TBC1D5: variants seen among roughly 807,000 people sequenced by gnomAD.
The protein encoded by TBC1D5 is TBC1 domain family, member 5.
In TBC1D5, 75 loss-of-function variants were observed where a neutral mutation model predicts 100.3. That is an observed-to-expected ratio of 0.75 (90% CI 0.62 to 0.91). The LOEUF is 0.91. Ranked by LOEUF, TBC1D5 falls within the 40% of genes least tolerant of loss-of-function variation. TBC1D5 has a pLI of 0.00. For synonymous variants in TBC1D5, 323 were observed against 325.6 expected (o/e 0.99, Z 0.09); for missense variants, 910 against 942.4 (o/e 0.97, Z 0.45).
At chr3:17,558,303 A>G (rs987997511) in intron 2 of TBC1D5, among the ~76,000 whole-genome samples, 8 of 152,192 alleles carry the variant, frequency 5.3e-5, no homozygotes, top group African/African-American at 1.9e-4. Flanking sequence ...CACAAATGTA[A>G]CCAACTATAC....
At chr3:17,735,507 T>C (rs1034232025) in intron 1 of TBC1D5, among the ~76,000 whole-genome samples, 5 of 152,190 alleles carry the variant, frequency 3.3e-5, no homozygotes, top group Non-Finnish European at 7.3e-5. Flanking sequence ...ACTCCCAAGA[T>C]GGCAGCAAGC....
chr3:17,362,877 A>G (rs75656454), intron 13 of TBC1D5, among the ~76,000 whole-genome samples: 15 of 152,308 alleles, frequency 9.8e-5, no homozygotes, highest in Admixed American at 6.5e-4. Flanking sequence ...GTTTTCCCCA[A>G]TGGTAACATC....
chr3:17,510,889 G>C (rs1427893537), intron 2 of TBC1D5, among the ~76,000 whole-genome samples: 9 of 151,960 alleles, frequency 5.9e-5, no homozygotes, highest in Non-Finnish European at 1.0e-4. Context: ...GGTAGAGAGA[G>C]AGTAATTAAT....
intron 17 of TBC1D5, among the ~76,000 whole-genome samples, chr3:17,235,901 T>A (rs2075815345): frequency 6.6e-6 from 1 of 151,972 alleles, no homozygotes; most frequent in African/African-American, 2.4e-5. Context: ...GTAAACAAAT[T>A]TTTGTTTTTT....
intron 13 of TBC1D5, among the ~76,000 whole-genome samples, chr3:17,318,141 A>G (rs920100686): frequency 2.0e-5 from 3 of 148,042 alleles, no homozygotes; most frequent in African/African-American, 7.5e-5. Flanking sequence ...AAAACCAAAC[A>G]CCCCATATTC....
At chr3:17,682,581 C>G (rs1246889506) in intron 1 of TBC1D5, among the ~76,000 whole-genome samples, 1 of 151,372 alleles carries the variant, frequency 6.6e-6, no homozygotes, top group Non-Finnish European at 1.5e-5. Context: ...ATACACTTTA[C>G]AAGACTATTA....
At chr3:17,594,955 T>C (rs1175953054) in intron 2 of TBC1D5, among the ~76,000 whole-genome samples, 1 of 152,120 alleles carries the variant, frequency 6.6e-6, no homozygotes, top group African/African-American at 2.4e-5. Flanking sequence ...TTTGAGGCAG[T>C]GGGCTGGGAA....
chr3:17,213,858 GAA>G (rs1377110585), intron 18 of TBC1D5, among the ~76,000 whole-genome samples: 1 of 150,844 alleles, frequency 6.6e-6, no homozygotes, highest in Non-Finnish European at 1.5e-5. Flanking sequence ...ATTTAAAATG[GAA>G]AAAACACCTT....
At chr3:17,424,571 T>C (rs1041619075) in intron 4 of TBC1D5, among the ~76,000 whole-genome samples, 10 of 152,336 alleles carry the variant, frequency 6.6e-5, no homozygotes, top group African/African-American at 1.4e-4. Context: ...TCAAGTCTTA[T>C]AAACTTTCCA....
intron 19 of TBC1D5, among the ~76,000 whole-genome samples, chr3:17,181,231 G>T (rs1481999373): frequency 6.6e-6 from 1 of 152,190 alleles, no homozygotes; most frequent in Non-Finnish European, 1.5e-5. Flanking sequence ...TGCATCATTT[G>T]ATAGAGGAAT....
At chr3:17,513,368 A>G (rs67851870) in intron 2 of TBC1D5, among the ~76,000 whole-genome samples, 39,951 of 152,006 alleles carry the variant, frequency 0.26, 5,639 homozygotes, top group Middle Eastern at 0.33. Flanking sequence ...TATGAGCAGT[A>G]TCTAAGTGAA....
intron 2 of TBC1D5, among the ~76,000 whole-genome samples, chr3:17,513,798 T>C (rs745928597): frequency 1.8e-4 from 28 of 152,174 alleles, no homozygotes; most frequent in Non-Finnish European, 5.9e-5. Flanking sequence ...AAGTATGTGT[T>C]CTAGGTAGCA....
At chr3:17,704,528 G>C (rs1240405511) in intron 1 of TBC1D5, among the ~76,000 whole-genome samples, 1 of 91,574 alleles carries the variant, frequency 1.1e-5, no homozygotes, top group Non-Finnish European at 2.2e-5. Context: ...CCTCCCGGAC[G>C]GGGCGGCTGG....
chr3:17,719,574 A>G (rs769289169), intron 1 of TBC1D5, among the ~76,000 whole-genome samples: 16 of 152,224 alleles, frequency 1.1e-4, no homozygotes, highest in Non-Finnish European at 2.2e-4. Flanking sequence ...CTGAAGAGAT[A>G]CATGAATAAA....
chr3:17,633,478 A>T (rs998751939), intron 1 of TBC1D5, among the ~76,000 whole-genome samples: 5 of 152,164 alleles, frequency 3.3e-5, no homozygotes, highest in African/African-American at 1.2e-4. Context: ...TTTAGGTCAG[A>T]GAATATGTTT....
intron 2 of TBC1D5, among the ~76,000 whole-genome samples, chr3:17,561,344 A>C (rs912642698): frequency 6.6e-6 from 1 of 152,206 alleles, no homozygotes; most frequent in Non-Finnish European, 1.5e-5. Context: ...TCAAAGCTCT[A>C]GTAAGAGCAA....
At chr3:17,679,399 C>A (rs550019915) in intron 1 of TBC1D5, among the ~76,000 whole-genome samples, 1 of 151,334 alleles carries the variant, frequency 6.6e-6, no homozygotes, top group Admixed American at 6.6e-5. Flanking sequence ...ACAATTTTAA[C>A]GCATTTATTA....
At chr3:17,551,941 A>C (rs1367625269) in intron 2 of TBC1D5, among the ~76,000 whole-genome samples, 1 of 152,080 alleles carries the variant, frequency 6.6e-6, no homozygotes, top group South Asian at 2.1e-4. Context: ...TGATTCCTTA[A>C]ACTTCTGCCC....
At chr3:17,492,711 C>G (rs181817031) in intron 3 of TBC1D5, among the ~76,000 whole-genome samples, 17 of 152,334 alleles carry the variant, frequency 1.1e-4, no homozygotes, top group Admixed American at 1.0e-3. Context: ...ACTGGGATTA[C>G]AGGCGTGAGC....
Sources: allele counts gnomAD v4.1 joint callset (sites outside exome capture counted in the v4.1 genomes callset), GRCh38; gene constraint gnomAD v4.1.1; transcripts MANE v1.5; gene names NCBI Gene and HGNC (gene_info 2026-07-23, HGNC 2026-07-21).